The following PTPRS variants were observed in gnomAD, a reference collection of about 807,000 sequenced individuals.
PTPRS encodes the protein protein tyrosine phosphatase receptor type S.
In PTPRS, 63 loss-of-function variants were observed where a neutral mutation model predicts 215.3. That is an observed-to-expected ratio of 0.29 (90% CI 0.24 to 0.36). The LOEUF (loss-of-function observed/expected upper bound fraction) is 0.36, where lower values mean the gene tolerates loss of function less well. Among genes scored for constraint, PTPRS ranks in the 10% least tolerant of loss-of-function variants. The pLI, the probability that PTPRS is intolerant of heterozygous loss-of-function variation, is 1.00. For synonymous variants in PTPRS, 1,404 were observed against 1,191.4 expected, an observed-to-expected ratio of 1.18 and a Z score of -3.68; for missense variants, 2,258 against 2,825.8, an observed-to-expected ratio of 0.80 and a Z score of 4.56.
chr19:5,334,924 G>C (rs549249068), intron 1 of PTPRS, among the ~76,000 whole-genome samples: 1 of 152,174 alleles, frequency 6.6e-6, no homozygotes, highest in East Asian at 1.9e-4. Context: ...GGCCTGGCAC[G>C]GGGCGCCAAC....
At chr19:5,270,019 C>G (rs1021168401) in intron 4 of PTPRS, among the ~76,000 whole-genome samples, 1 of 151,656 alleles carries the variant, frequency 6.6e-6, no homozygotes, top group Non-Finnish European at 1.5e-5. Context: ...ACAGCTTGTC[C>G]TTTTAATACC....
At position 5,274,374 on chromosome 19, in the gene PTPRS, G is replaced by A. The variant is rs190690734; in HGVS notation, c.92-30C>T. ...GGATACAGTGGAAAGAAGGGGGGGCGCTGATGGGTCCAGGCATCTGGCTAG... is the reference window on the plus strand; with the variant it reads ...GGATACAGTGGAAAGAAGGGGGGGCACTGATGGGTCCAGGCATCTGGCTAG... On this transcript the variant is annotated intron_variant, in intron 2 of 37. Transcript: ENST00000262963. The A allele has an allele frequency of 3.4e-5, 55 of 1,598,882 alleles. No homozygotes were observed. The Admixed American group carries it at 4.0e-4, about 12-fold the overall frequency.
chr19:5,250,955 GGGGGGGGGGC>G, intron 9 of PTPRS: 1 of 102,266 alleles, frequency 9.8e-6, no homozygotes, highest in Non-Finnish European at 2.3e-5. Context: ...GGCGGGGGGG[GGGGGGGGGGC>G]TCTGCTGGGC....
chr19:5,323,835 T>C (rs1336431062), intron 1 of PTPRS, among the ~76,000 whole-genome samples: 1 of 152,094 alleles, frequency 6.6e-6, no homozygotes, highest in African/African-American at 2.4e-5. Context: ...GAAGACAGAC[T>C]GTGGGAATGA....
At chr19:5,222,642 G>GGGGGGGGGGGC in intron 18 of PTPRS, 47 bp downstream of exon 18, 1 of 1,369,392 alleles carries the variant, frequency 7.3e-7, no homozygotes, top group Non-Finnish European at 9.7e-7. Flanking sequence ...GTGGGGGTGG[G>GGGGGGGGGGGC]CGCAAGGCCC....
chr19:5,271,385 T>C (rs1276252783), intron 4 of PTPRS, among the ~76,000 whole-genome samples: 2 of 150,996 alleles, frequency 1.3e-5, no homozygotes, highest in Admixed American at 6.7e-5. Flanking sequence ...AGAACCATTA[T>C]TACCCGATTT....
At chr19:5,260,877 C>T in intron 6 of PTPRS, 55 bp from the exon 7 acceptor site, 1 of 1,601,362 alleles carries the variant, frequency 6.2e-7, no homozygotes, top group South Asian at 1.1e-5. Flanking sequence ...TGTTGGGGGG[C>T]CGGGGGGCCC....
chr19:5,266,533 A>G (rs1599802019), intron 4 of PTPRS, among the ~76,000 whole-genome samples: 1 of 151,966 alleles, frequency 6.6e-6, no homozygotes, highest in East Asian at 1.9e-4. Context: ...CGCCCGGCTA[A>G]TTTTTGTACT....
chr19:5,332,419 T>A (rs1462200845), intron 1 of PTPRS, among the ~76,000 whole-genome samples: 1 of 152,166 alleles, frequency 6.6e-6, no homozygotes, highest in Non-Finnish European at 1.5e-5. Context: ...TGAGCCATCA[T>A]GCCCAGCCAA....
At chr19:5,217,312 C>T (rs891131246) in intron 25 of PTPRS, among the ~76,000 whole-genome samples, 3 of 152,200 alleles carry the variant, frequency 2.0e-5, no homozygotes, top group Non-Finnish European at 4.4e-5. Flanking sequence ...TGCATGATCC[C>T]TTCAGGAGAC....
intron 9 of PTPRS, among the ~76,000 whole-genome samples, chr19:5,246,309 C>T (rs995593618): frequency 5.3e-5 from 8 of 152,046 alleles, no homozygotes; most frequent in Non-Finnish European, 1.2e-4. Flanking sequence ...CACAAAGAAA[C>T]CAAAACTTCA....
At chr19:5,305,297 G>C (rs535111666) in intron 1 of PTPRS, among the ~76,000 whole-genome samples, 10 of 152,256 alleles carry the variant, frequency 6.6e-5, no homozygotes, top group Middle Eastern at 3.4e-3. Flanking sequence ...TGTGATCCCT[G>C]CACTTTGGGA....
At chr19:5,218,763 C>T in intron 24 of PTPRS, 24 bp downstream of exon 24, 1 of 1,612,474 alleles carries the variant, frequency 6.2e-7, no homozygotes, top group Non-Finnish European at 8.5e-7. Context: ...CCTGAAGCCT[C>T]CACGGGGGAG....
intron 1 of PTPRS, among the ~76,000 whole-genome samples, chr19:5,321,520 G>C (rs1304368642): frequency 6.6e-6 from 1 of 152,216 alleles, no homozygotes; most frequent in East Asian, 1.9e-4. Context: ...CCCTGACCCA[G>C]ATCGACTACA....
In PTPRS at chr19:5,225,790, C is replaced by T. The variant is rs1340374850; in HGVS notation, c.2431G>A (p.Ala811Thr). The change falls in exon 17 of 38, where the codon GCC becomes ACC. Residue 811 changes from alanine (A) to threonine (T), a missense_variant. Ala to Thr is a moderately conservative substitution (Grantham distance 58, BLOSUM62 0). Transcript: ENST00000262963. ...GCGCCATCGCCCTTCATGGTGTAGG[C>T]GGCTACCGTGATGGAGTACGCGGTC... ...PETAYSITVAAYTMKGDGARS... is the reference protein window; with the variant it reads ...PETAYSITVATYTMKGDGARS... 1.2e-6 allele frequency: 2 copies of T among 1,613,902 alleles called. No homozygotes were observed. Among genetic ancestry groups the T allele is most frequent in the East Asian group, 2.2e-5 (1 of 44,886 alleles).
intron 11 of PTPRS, 38 bp from the exon 12 acceptor site, chr19:5,240,370 C>T (rs188754359): frequency 1.6e-5 from 25 of 1,538,348 alleles, no homozygotes; most frequent in African/African-American, 4.1e-5. Context: ...AGTCGGGGAG[C>T]GTCCACCCCA....
intron 30 of PTPRS, among the ~76,000 whole-genome samples, chr19:5,213,042 G>A (rs1395902250): frequency 6.6e-6 from 1 of 152,094 alleles, no homozygotes; most frequent in Non-Finnish European, 1.5e-5. Flanking sequence ...TGGGCACTCT[G>A]GCCACAGCTT....
chr19:5,273,420 C>A, intron 4 of PTPRS, 22 bp downstream of exon 4: 2 of 1,614,066 alleles, frequency 1.2e-6, no homozygotes, highest in Non-Finnish European at 1.7e-6. Context: ...TTATCCTCCG[C>A]CCGCCCTGAG....
intron 1 of PTPRS, among the ~76,000 whole-genome samples, chr19:5,301,256 T>G (rs1487804299): frequency 8.9e-6 from 1 of 112,938 alleles, no homozygotes; most frequent in African/African-American, 5.0e-5. Flanking sequence ...ATTGCCAGCC[T>G]GGGCCCCTGC....
Sources: allele counts gnomAD v4.1 joint callset (sites outside exome capture counted in the v4.1 genomes callset), GRCh38; gene constraint gnomAD v4.1.1; transcripts MANE v1.5; gene names NCBI Gene and HGNC (gene_info 2026-07-23, HGNC 2026-07-21).